The following PSIP1 variants were observed in gnomAD, a reference collection of about 807,000 sequenced individuals.
The protein encoded by PSIP1 is PC4 and SRSF1 interacting protein 1, also known as PC4 and SFRS1-interacting protein.
In PSIP1, 19 loss-of-function variants were observed where a neutral mutation model predicts 74.7. The ratio of observed to expected loss-of-function variants is 0.25; its 90% CI spans 0.18 to 0.37. The LOEUF (loss-of-function observed/expected upper bound fraction) is 0.37. Among genes scored for constraint, PSIP1 ranks in the 10% least tolerant of loss-of-function variants. The pLI, the probability that PSIP1 is intolerant of heterozygous loss-of-function variation, is 1.00. For synonymous variants in PSIP1, 222 were observed against 195.3 expected, an observed-to-expected ratio of 1.14 and a Z score of -1.14; for missense variants, 601 against 614.3, an observed-to-expected ratio of 0.98 and a Z score of 0.23.
At chr9:15,504,232 T>C (rs962945613) in intron 3 of PSIP1, among the ~76,000 whole-genome samples, 12 of 152,238 alleles carry the variant, frequency 7.9e-5, no homozygotes, top group Non-Finnish European at 7.3e-5. Flanking sequence ...TCCTTGAATA[T>C]ATCCTAAATT....
intron 3 of PSIP1, among the ~76,000 whole-genome samples, chr9:15,502,601 G>C (rs561013597): frequency 6.6e-5 from 10 of 152,140 alleles, no homozygotes; most frequent in African/African-American, 1.7e-4. Flanking sequence ...AAGTAATTAC[G>C]CATGGACTTG....
Position 15,464,300 on chromosome 9 carries a change from CAG to C in PSIP1, c.*1218_*1219del, listed in dbSNP as rs2132018434. The C allele has an allele frequency of 5.1e-6, 1 of 194,548 alleles. No individual in the cohort carries two copies. The highest frequency in any genetic ancestry group is 2.3e-5 in the African/African-American group (1 of 43,300). The allele number at this position is 194,548 out of a possible 1,614,324, so 12.1% of individuals were successfully genotyped here. A position where few individuals can be genotyped will look rare whatever the true frequency, so the allele number is the denominator to read the frequency against. ...AGAGGGTCAACCACACAATGTCATACAGAGACGCTGGTCTTAAGCCATTTTTT... is the reference window on the plus strand; with the variant it reads ...AGAGGGTCAACCACACAATGTCATACAGACGCTGGTCTTAAGCCATTTTTT... On this transcript the variant is annotated 3_prime_UTR_variant, in exon 16 of 16. Coordinates refer to ENST00000380733, the MANE Select transcript of PSIP1 (RefSeq NM_033222.5).
chr9:15,465,758 G>C (rs1474259183), intron 15 of PSIP1, 178 bp from the exon 16 acceptor site: 7 of 529,168 alleles, frequency 1.3e-5, no homozygotes, highest in East Asian at 9.5e-5. Context: ...CTTCAAAACT[G>C]TTATTTTACC....
At chr9:15,489,638 T>C (rs1349818135) in intron 4 of PSIP1, among the ~76,000 whole-genome samples, 2 of 148,162 alleles carry the variant, frequency 1.3e-5, no homozygotes, top group South Asian at 4.2e-4. Context: ...AGAAATTTAA[T>C]TAATTAATTA....
At chr9:15,501,124 A>C (rs1170812011) in intron 3 of PSIP1, among the ~76,000 whole-genome samples, 1 of 152,154 alleles carries the variant, frequency 6.6e-6, no homozygotes, top group Non-Finnish European at 1.5e-5. Context: ...AAAAAAACAC[A>C]AATATAAGTA....
chr9:15,483,315 T>C (rs2036417199), intron 6 of PSIP1, among the ~76,000 whole-genome samples: 1 of 152,138 alleles, frequency 6.6e-6, no homozygotes, highest in Non-Finnish European at 1.5e-5. Context: ...CTTATTCAAG[T>C]AAAGACCTTA....
intron 2 of PSIP1, among the ~76,000 whole-genome samples, chr9:15,508,845 G>T (rs2037719614): frequency 6.6e-6 from 1 of 152,140 alleles, no homozygotes. Context: ...ACAGAGTTAA[G>T]AATTAAAACA....
chr9:15,474,280 T>C (rs772472866), intron 8 of PSIP1, 43 bp from the exon 9 acceptor site: 15 of 1,481,432 alleles, frequency 1.0e-5, no homozygotes, highest in Non-Finnish European at 1.8e-6. Context: ...CATTCAACTA[T>C]AATAGTATTT....
intron 3 of PSIP1, among the ~76,000 whole-genome samples, chr9:15,495,822 GC>G (rs2037048349): frequency 6.6e-6 from 1 of 152,078 alleles, no homozygotes; most frequent in African/African-American, 2.4e-5. Context: ...TGATAAGCTT[GC>G]CTTCACTAAG....
At chr9:15,466,715 AACAC>A (rs760260242) in intron 15 of PSIP1, 29 bp downstream of exon 15, 2 of 1,515,484 alleles carry the variant, frequency 1.3e-6, no homozygotes, top group Non-Finnish European at 1.8e-6. Context: ...AATAATAAAA[AACAC>A]ACAAGACCCA....
chr9:15,469,364 TGAA>T, intron 11 of PSIP1, 28 bp from the exon 12 acceptor site: 1 of 1,441,976 alleles, frequency 6.9e-7, no homozygotes, highest in Non-Finnish European at 9.5e-7. Context: ...TGAAAAACAG[TGAA>T]CAGTTTTTCC....
chr9:15,493,838 G>C (rs780513271), intron 3 of PSIP1, among the ~76,000 whole-genome samples: 6 of 152,160 alleles, frequency 3.9e-5, no homozygotes, highest in African/African-American at 7.2e-5. Flanking sequence ...TCCTGCCCTT[G>C]ATGTGTGGGG....
At chr9:15,473,457 A>T (rs2035930097) in intron 9 of PSIP1, among the ~76,000 whole-genome samples, 1 of 152,244 alleles carries the variant, frequency 6.6e-6, no homozygotes, top group African/African-American at 2.4e-5. Flanking sequence ...AAAATAGATG[A>T]ATTTAGAGAA....
At chr9:15,507,068 G>A (rs1244647713) in intron 2 of PSIP1, among the ~76,000 whole-genome samples, 4 of 152,152 alleles carry the variant, frequency 2.6e-5, no homozygotes, top group Non-Finnish European at 5.9e-5. Context: ...AGTTCTGCAG[G>A]AAATCTATAC....
intron 3 of PSIP1, among the ~76,000 whole-genome samples, chr9:15,503,965 T>C (rs970784579): frequency 2.0e-4 from 31 of 152,184 alleles, no homozygotes; most frequent in African/African-American, 7.2e-4. Flanking sequence ...CAAAGTGGTC[T>C]TGAACTCCTG....
In PSIP1 at chr9:15,465,524, TTATC is replaced by T; in HGVS notation, c.1585_1588del (p.Asp529ThrfsTer16). 2 of 1,559,142 alleles carry T rather than the reference TTATC, an allele frequency of 1.3e-6. No homozygotes were observed. The highest frequency in any genetic ancestry group is 1.8e-6 in the Non-Finnish European group (2 of 1,137,240). Reference sequence around the variant, plus strand: ...CTATATTCCAGGTATGTCAACCTAGTTATCTAGTGTAGAATCCTTCAGAGATATT... The same window carrying T: ...CTATATTCCAGGTATGTCAACCTAGTTAGTGTAGAATCCTTCAGAGATATT... On this transcript the variant is annotated frameshift_variant, in exon 16 of 16. Transcript: ENST00000380733. LOFTEE classifies it high-confidence loss of function.
At chr9:15,475,308 T>C (rs1384131942) in intron 8 of PSIP1, among the ~76,000 whole-genome samples, 1 of 152,176 alleles carries the variant, frequency 6.6e-6, no homozygotes, top group African/African-American at 2.4e-5. Context: ...AGTGAAACTA[T>C]TTGCTTTCTT....
intron 8 of PSIP1, among the ~76,000 whole-genome samples, chr9:15,477,455 A>G (rs115171971): frequency 0.042 from 6,407 of 152,244 alleles, 454 homozygotes; most frequent in African/African-American, 0.15. Context: ...CTTTAAACAT[A>G]TTTTGGTTGA....
chr9:15,472,440 A>G (rs1251940309), intron 10 of PSIP1, 192 bp downstream of exon 10: 2 of 1,370,916 alleles, frequency 1.5e-6, no homozygotes, highest in Middle Eastern at 2.6e-4. Context: ...TGCCTCAGTC[A>G]ATTTCATCCT....
Sources: allele counts gnomAD v4.1 joint callset (sites outside exome capture counted in the v4.1 genomes callset), GRCh38; gene constraint gnomAD v4.1.1; transcripts MANE v1.5; gene names NCBI Gene and HGNC (gene_info 2026-07-23, HGNC 2026-07-21).